SGCD: variants seen among roughly 807,000 people sequenced by gnomAD.
The protein encoded by SGCD is delta-sarcoglycan.
Under a neutral mutation model 36.6 loss-of-function variants are expected in SGCD, and 18 were observed. That is an observed-to-expected ratio of 0.49 (90% CI 0.34 to 0.73). The LOEUF is 0.73. Ranked by LOEUF, SGCD falls within the 30% of genes least tolerant of loss-of-function variation. The pLI is 0.01. For synonymous variants in SGCD, 133 were observed against 130.6 expected, an observed-to-expected ratio of 1.02 and a Z score of -0.12; for missense variants, 387 against 346.7, an observed-to-expected ratio of 1.12 and a Z score of -0.92.
At chr5:156,744,474 A>G (rs1190462468) in intron 7 of SGCD, among the ~76,000 whole-genome samples, 1 of 152,174 alleles carries the variant, frequency 6.6e-6, no homozygotes, top group Non-Finnish European at 1.5e-5. Context: ...AGGAAGAAAG[A>G]CAGAAGTGGT....
At chr5:156,419,697 TC>T (rs1307810757) in intron 3 of SGCD, among the ~76,000 whole-genome samples, 1 of 152,170 alleles carries the variant, frequency 6.6e-6, no homozygotes, top group Admixed American at 6.5e-5. Context: ...TTTATTAGTT[TC>T]ATAAGTGGGC....
At chr5:156,028,603 G>A (rs939327874) in intron 1 of SGCD, among the ~76,000 whole-genome samples, 1 of 152,124 alleles carries the variant, frequency 6.6e-6, no homozygotes. Flanking sequence ...TGCTTGCTAT[G>A]ATGATAAGGA....
intron 6 of SGCD, among the ~76,000 whole-genome samples, chr5:156,630,387 T>C (rs1762587911): frequency 6.6e-6 from 1 of 152,200 alleles, no homozygotes; most frequent in South Asian, 2.1e-4. Context: ...GCAGGCAAAC[T>C]GACACTAGCT....
rs1309146689 is a variant in SGCD, at chr5:156,622,712, A to C, written c.503-24752A>C. ...GTATGACTGGACAAAGGGGGGTGTG[A>C]GCTAATGGTAATGAACTGGGAGAAA... On this transcript the variant is annotated intron_variant, in intron 6 of 8. Transcript: ENST00000337851. Among the ~76,000 whole-genome samples, 10 of 152,242 alleles carry C rather than the reference A, an allele frequency of 6.6e-5. No homozygotes were observed. The East Asian group carries it at 1.7e-3, about 26-fold the overall frequency.
intron 3 of SGCD, among the ~76,000 whole-genome samples, chr5:156,203,771 A>G (rs1271597807): frequency 6.6e-6 from 1 of 152,136 alleles, no homozygotes; most frequent in Non-Finnish European, 1.5e-5. Context: ...ACAGTTAATT[A>G]GCGGCAGTGG....
At chr5:156,225,165 C>T (rs961861722) in intron 3 of SGCD, among the ~76,000 whole-genome samples, 6 of 151,854 alleles carry the variant, frequency 4.0e-5, no homozygotes, top group Non-Finnish European at 8.8e-5. Context: ...GGCCCCTGCT[C>T]GAAAAAACAC....
intron 3 of SGCD, among the ~76,000 whole-genome samples, chr5:156,228,529 G>T (rs901582550): frequency 2.0e-5 from 3 of 152,016 alleles, no homozygotes; most frequent in African/African-American, 7.2e-5. Flanking sequence ...GTTTATTTGA[G>T]TCCTTATGTG....
chr5:155,964,698 G>C (rs973369124), intron 1 of SGCD, among the ~76,000 whole-genome samples: 5 of 152,024 alleles, frequency 3.3e-5, no homozygotes, highest in African/African-American at 1.2e-4. Flanking sequence ...GGGCATCCAA[G>C]GAGGACTAAG....
In SGCD at chr5:156,053,223, T is replaced by G. The variant is rs1450265239; in HGVS notation, c.-281-64655T>G. 2.1e-5 allele frequency among the ~76,000 whole-genome samples: 3 copies of G among 145,966 alleles called. 1 individual carries two copies. The highest frequency in any genetic ancestry group is 6.8e-5 in the Admixed American group (1 of 14,620). On this transcript the variant is annotated intron_variant, in intron 1 of 9. Transcript: ENST00000517913. Reference sequence around the variant, plus strand: ...TGGTGTGTGTGCTCATCCTCAACCCTCCCCTTGCCCAGGCTGCTGCTGAAG... The same window carrying G: ...TGGTGTGTGTGCTCATCCTCAACCCGCCCCTTGCCCAGGCTGCTGCTGAAG...
At chr5:156,660,310 G>C (rs1489018019) in intron 7 of SGCD, among the ~76,000 whole-genome samples, 1 of 152,250 alleles carries the variant, frequency 6.6e-6, no homozygotes, top group Admixed American at 6.5e-5. Context: ...GCAGGGCAGC[G>C]ATCATCTATG....
At chr5:155,922,230 T>C (rs1386934847) in intron 1 of SGCD, among the ~76,000 whole-genome samples, 3 of 152,148 alleles carry the variant, frequency 2.0e-5, no homozygotes, top group Non-Finnish European at 4.4e-5. Flanking sequence ...ACAAGGTCTT[T>C]GAGGTGACCT....
chr5:156,185,369 C>T (rs1374134680), intron 3 of SGCD, among the ~76,000 whole-genome samples: 22 of 149,378 alleles, frequency 1.5e-4, no homozygotes, highest in African/African-American at 2.2e-4. Flanking sequence ...CGCCCGCCAC[C>T]ATGCCCGGCA....
intron 3 of SGCD, among the ~76,000 whole-genome samples, chr5:156,418,074 C>T (rs1773135732): frequency 6.6e-6 from 1 of 152,006 alleles, no homozygotes; most frequent in Non-Finnish European, 1.5e-5. Context: ...TCAGAAACCA[C>T]CCAGATTTTC....
At chr5:156,682,436 A>G (rs1753755350) in intron 7 of SGCD, among the ~76,000 whole-genome samples, 1 of 152,168 alleles carries the variant, frequency 6.6e-6, no homozygotes, top group African/African-American at 2.4e-5. Context: ...AATTATGTGG[A>G]AAAAAACTTT....
chr5:156,167,496 A>G (rs902402743), intron 3 of SGCD, among the ~76,000 whole-genome samples: 1 of 152,118 alleles, frequency 6.6e-6, no homozygotes, highest in African/African-American at 2.4e-5. Flanking sequence ...TCCAAATCTC[A>G]TGTTGAAATG....
At chr5:156,076,726 A>G (rs1040599443) in intron 1 of SGCD, among the ~76,000 whole-genome samples, 1 of 152,240 alleles carries the variant, frequency 6.6e-6, no homozygotes, top group Non-Finnish European at 1.5e-5. Flanking sequence ...AGGTTTCACA[A>G]CAATGGAGCA....
intron 3 of SGCD, among the ~76,000 whole-genome samples, chr5:156,361,792 T>C (rs1422190385): frequency 6.6e-6 from 1 of 152,222 alleles, no homozygotes; most frequent in Non-Finnish European, 1.5e-5. Context: ...CAGTAAACTA[T>C]AGCTATTCTG....
At chr5:156,540,277 G>C (rs1215247333) in intron 4 of SGCD, among the ~76,000 whole-genome samples, 1 of 152,134 alleles carries the variant, frequency 6.6e-6, no homozygotes, top group Non-Finnish European at 1.5e-5. Context: ...ACGTACCAAA[G>C]TGGTATGAAG....
chr5:156,487,994 A>G (rs2127846387), intron 3 of SGCD, among the ~76,000 whole-genome samples: 1 of 147,382 alleles, frequency 6.8e-6, no homozygotes, highest in African/African-American at 2.5e-5. Context: ...AAATGAATCA[A>G]CAGAAATCCT....
Sources: allele counts gnomAD v4.1 joint callset (sites outside exome capture counted in the v4.1 genomes callset), GRCh38; gene constraint gnomAD v4.1.1; transcripts MANE v1.5; gene names NCBI Gene and HGNC (gene_info 2026-07-23, HGNC 2026-07-21).